Variants in NELL2 observed in about 807,000 individuals in gnomAD.
The protein encoded by NELL2 is neural EGFL like 2, also known as protein kinase C-binding protein NELL2.
Under a neutral mutation model 109.6 loss-of-function variants are expected in NELL2, and 41 were observed. That is an observed-to-expected ratio of 0.37 (90% CI 0.29 to 0.49). NELL2 has a LOEUF of 0.49. Among genes scored for constraint, NELL2 ranks in the 20% least tolerant of loss-of-function variants. The pLI, the probability that NELL2 is intolerant of heterozygous loss-of-function variation, is 0.98. For missense variants in NELL2, 900 were observed against 1,008.3 expected, an observed-to-expected ratio of 0.89 and a Z score of 1.45; for synonymous variants, 355 against 344.7, an observed-to-expected ratio of 1.03 and a Z score of -0.33.
At chr12:44,619,473 C>T (rs1945964175) in intron 13 of NELL2, among the ~76,000 whole-genome samples, 2 of 151,932 alleles carry the variant, frequency 1.3e-5, no homozygotes, top group Admixed American at 1.3e-4. Context: ...ACAAAATGGG[C>T]TTCTCATGTT....
At chr12:44,735,780 A>T (rs1939606243) in intron 9 of NELL2, among the ~76,000 whole-genome samples, 4 of 152,064 alleles carry the variant, frequency 2.6e-5, no homozygotes, top group African/African-American at 9.7e-5. Flanking sequence ...TAAGAATTTT[A>T]AAAAATATTT....
intron 2 of NELL2, among the ~76,000 whole-genome samples, chr12:44,821,523 TTC>T: frequency 6.6e-6 from 1 of 152,332 alleles, no homozygotes; most frequent in Non-Finnish European, 1.5e-5. Context: ...TCATTTGCAT[TTC>T]TGTTTCCAAA....
chr12:44,585,528 A>T (rs1944462093), intron 15 of NELL2, among the ~76,000 whole-genome samples: 1 of 152,126 alleles, frequency 6.6e-6, no homozygotes, highest in Admixed American at 6.6e-5. Flanking sequence ...ATAAAACAAG[A>T]GTTAAATATA....
chr12:44,780,389 G>T (rs956546007), intron 3 of NELL2, among the ~76,000 whole-genome samples: 1 of 151,994 alleles, frequency 6.6e-6, no homozygotes, highest in Admixed American at 6.6e-5. Context: ...GACAGAAACT[G>T]CTAGATAATA....
chr12:44,588,773 A>G (rs1944638153), intron 15 of NELL2, among the ~76,000 whole-genome samples: 1 of 152,204 alleles, frequency 6.6e-6, no homozygotes, highest in African/African-American at 2.4e-5. Context: ...TATATTCACA[A>G]TGTTTTGTAA....
chr12:44,539,042 G>T (rs775708135), intron 15 of NELL2, among the ~76,000 whole-genome samples: 10 of 152,152 alleles, frequency 6.6e-5, no homozygotes, highest in Non-Finnish European at 1.5e-4. Flanking sequence ...CCTTGGGGAA[G>T]CTTTCCTGGA....
At chr12:44,692,251 C>T (rs112983058) in intron 12 of NELL2, among the ~76,000 whole-genome samples, 8,928 of 152,170 alleles carry the variant, frequency 0.059, 870 homozygotes, top group African/African-American at 0.2. Context: ...ACTATTCTGC[C>T]TATGCTCTAT....
intron 15 of NELL2, among the ~76,000 whole-genome samples, chr12:44,596,037 T>C (rs559337224): frequency 4.6e-5 from 7 of 152,160 alleles, no homozygotes; most frequent in Non-Finnish European, 1.0e-4. Context: ...CTGACAAGAT[T>C]TGTAGTTAGC....
rs1033526348 is a variant in NELL2 at position 44,598,110 on chromosome 12, C to A, written c.1663+9059G>T. ...TGCTATTTAACTTGATCCTTGTGCA[C>A]CACATTTTACTGTAAGTCTAAAAAA... is the stretch of plus-strand genomic sequence containing the variant. On this transcript the variant is annotated intron_variant, in intron 15 of 19. Transcript: ENST00000429094. Among the ~76,000 whole-genome samples, 4 of 149,868 alleles carry A rather than the reference C, an allele frequency of 2.7e-5. No individual in the cohort carries two copies. The East Asian group carries it at 7.8e-4, about 29-fold the overall frequency.
chr12:44,775,235 A>ACAGG (rs2136586031), intron 8 of NELL2, among the ~76,000 whole-genome samples: 13 of 148,580 alleles, frequency 8.7e-5, no homozygotes, highest in African/African-American at 3.4e-4. Flanking sequence ...ACGCACACAC[A>ACAGG]CATGCATGTG....
At chr12:44,702,538 G>A (rs1017447433) in intron 12 of NELL2, among the ~76,000 whole-genome samples, 1 of 152,110 alleles carries the variant, frequency 6.6e-6, no homozygotes, top group East Asian at 1.9e-4. Context: ...AGAGGGGCTT[G>A]TTACATGTTA....
intron 3 of NELL2, among the ~76,000 whole-genome samples, chr12:44,784,676 T>A (rs113940144): frequency 1.3e-5 from 2 of 152,280 alleles, no homozygotes; most frequent in East Asian, 3.9e-4. Flanking sequence ...CAAAAGCTTA[T>A]CCACCACGAT....
intron 3 of NELL2, among the ~76,000 whole-genome samples, chr12:44,796,328 A>G (rs1457382727): frequency 1.3e-5 from 2 of 152,132 alleles, no homozygotes; most frequent in Non-Finnish European, 2.9e-5. Context: ...ACAAGAATCT[A>G]CTGAACTAAT....
rs143346248 is a variant in NELL2, at chr12:44,672,103, A to T, written c.1319-6494T>A. On this transcript the variant is annotated intron_variant, in intron 12 of 19. Coordinates refer to ENST00000429094, the MANE Select transcript of NELL2 (RefSeq NM_001145108.2). ...GGAAAGCAGCTTCAGTGTCTAGAAC[A>T]GGACAGTGAGTCCCAGCTGGAGCAA... Among the ~76,000 whole-genome samples the T allele has an allele frequency of 3.5e-3, 538 of 152,342 alleles. 3 individuals carry two copies. Among genetic ancestry groups the T allele is most frequent in the Middle Eastern group, 0.02 (6 of 294 alleles).
At chr12:44,751,870 T>G (rs1455334101) in intron 9 of NELL2, among the ~76,000 whole-genome samples, 1 of 152,138 alleles carries the variant, frequency 6.6e-6, no homozygotes, top group African/African-American at 2.4e-5. Context: ...TGTCCAATAT[T>G]CTGGATTCCC....
At position 44,724,586 on chromosome 12, in the gene NELL2, C is replaced by T. The variant is rs565236028; in HGVS notation, c.995-9845G>A. On this transcript the variant is annotated intron_variant, in intron 9 of 19. Transcript: ENST00000429094. ...CCTCTACCAAGAGAATTACAAAACA[C>T]TCCTCAAATAAATCAGAGAAGACAC... Among the ~76,000 whole-genome samples the T allele has an allele frequency of 5.6e-4, 85 of 152,068 alleles. No individual in the cohort carries two copies. The Middle Eastern group carries it at 0.014, about 24-fold the overall frequency.
chr12:44,532,636 G>T lies in NELL2; in HGVS notation c.1749C>A (p.Cys583Ter). The change falls in exon 16 of 20, where the codon TGC becomes TGA. Residue 583 changes from cysteine (C) to a stop codon, truncating the protein, a stop_gained. Coordinates refer to ENST00000429094, the MANE Select transcript of NELL2 (RefSeq NM_001145108.2). LOFTEE classifies it high-confidence loss of function. ...TCCCATTGTCATGGTAGCCATCTCT[G>T]CACTCACAGTGGTACCATCCAGGCA... Reference protein sequence around the residue: ...INLPGWYHCECRDGYHDNGMF... With the variant: ...INLPGWYHCE The T allele has an allele frequency of 2.5e-6, 4 of 1,613,642 alleles. No individual in the cohort carries two copies. Among genetic ancestry groups the T allele is most frequent in the Non-Finnish European group, 3.4e-6 (4 of 1,179,698 alleles).
At chr12:44,806,190 C>T (rs1464683489) in intron 3 of NELL2, among the ~76,000 whole-genome samples, 1 of 151,614 alleles carries the variant, frequency 6.6e-6, no homozygotes, top group Non-Finnish European at 1.5e-5. Flanking sequence ...AAATGAAGCT[C>T]ATTTATAAAA....
At chr12:44,512,348 G>A (rs1941036160) in intron 19 of NELL2, among the ~76,000 whole-genome samples, 1 of 152,146 alleles carries the variant, frequency 6.6e-6, no homozygotes, top group South Asian at 2.1e-4. Context: ...TGAGGATGCA[G>A]AGAAACAGGA....
Sources: allele counts gnomAD v4.1 joint callset (sites outside exome capture counted in the v4.1 genomes callset), GRCh38; gene constraint gnomAD v4.1.1; transcripts MANE v1.5; gene names NCBI Gene and HGNC (gene_info 2026-07-23, HGNC 2026-07-21).